The following ARHGEF10 variants were observed in gnomAD, a reference collection of about 807,000 sequenced individuals.
The protein encoded by ARHGEF10 is Rho guanine nucleotide exchange factor 10, also known as Rho guanine nucleotide exchange factor (GEF) 10.
ARHGEF10 carries 140 observed loss-of-function variants against 147.4 expected under a neutral mutation model. That is an observed-to-expected ratio of 0.95 (90% CI 0.83 to 1.09). The LOEUF is 1.09. Among genes scored for constraint, ARHGEF10 ranks in the 50% least tolerant of loss-of-function variants. ARHGEF10 has a pLI of 0.00. For synonymous variants in ARHGEF10, 902 were observed against 695.8 expected (o/e 1.30, Z -4.67); for missense variants, 2,222 against 1,752.7 (o/e 1.27, Z -4.78).
At chr8:1,936,918 G>A (rs1388638516) in intron 26 of ARHGEF10, among the ~76,000 whole-genome samples, 1 of 152,100 alleles carries the variant, frequency 6.6e-6, no homozygotes. Context: ...AGGGCTCTCC[G>A]GCTGGCCCCT....
At chr8:1,956,225 A>G (rs1490068819) in intron 28 of ARHGEF10, among the ~76,000 whole-genome samples, 1 of 152,224 alleles carries the variant, frequency 6.6e-6, no homozygotes, top group Admixed American at 6.5e-5. Flanking sequence ...TTTGAATCAC[A>G]TCACCTGAAA....
intron 2 of ARHGEF10, among the ~76,000 whole-genome samples, chr8:1,850,730 C>G (rs1000208541): frequency 2.0e-5 from 3 of 152,194 alleles, no homozygotes; most frequent in Admixed American, 2.0e-4. Flanking sequence ...TTAATGTCCA[C>G]TCAATACCTG....
chr8:1,898,543 A>C lies in ARHGEF10; in HGVS notation c.1650+18A>C, dbSNP rs757889303. 2.5e-6 allele frequency: 4 copies of C among 1,608,830 alleles called. No individual in the cohort carries two copies. The highest frequency in any genetic ancestry group is 3.4e-6 in the Non-Finnish European group (4 of 1,175,376). On this transcript the variant is annotated intron_variant, in intron 15 of 28. Coordinates refer to ENST00000349830, the MANE Select transcript of ARHGEF10 (RefSeq NM_014629.4). ...TGCTCCAGGTAAGTGCTTCACGGAG[A>C]CCTCCTCAAGCTAGTCCTCTGGCTC...
At chr8:1,861,793 C>T (rs1052282737) in intron 4 of ARHGEF10, among the ~76,000 whole-genome samples, 3 of 152,106 alleles carry the variant, frequency 2.0e-5, no homozygotes, top group African/African-American at 4.8e-5. Flanking sequence ...ACTCTGTGAC[C>T]GCGGAGCATG....
At chr8:1,826,413 GTGTGTGTGTGCGCTT>G (rs1209069726) in intron 1 of ARHGEF10, among the ~76,000 whole-genome samples, 1 of 45,114 alleles carries the variant, frequency 2.2e-5, no homozygotes, top group African/African-American at 1.0e-4. Flanking sequence ...TGTGTGTGCT[GTGTGTGTGTGCGCTT>G]TGTGTGTGTG....
At chr8:1,876,397 G>C (rs1283425809) in intron 7 of ARHGEF10, 174 bp from the exon 8 acceptor site, 1 of 675,372 alleles carries the variant, frequency 1.5e-6, no homozygotes, top group Non-Finnish European at 2.6e-6. Context: ...GGGTGGTGGA[G>C]GCGCTGCACG....
At chr8:1,846,960 C>T (rs532940939) in intron 2 of ARHGEF10, among the ~76,000 whole-genome samples, 2 of 152,288 alleles carry the variant, frequency 1.3e-5, no homozygotes, top group African/African-American at 2.4e-5. Flanking sequence ...GCTCGTTTTT[C>T]GTAAGTGTCC....
intron 15 of ARHGEF10, among the ~76,000 whole-genome samples, chr8:1,899,971 G>C (rs112508427): frequency 2.6e-5 from 4 of 152,372 alleles, no homozygotes; most frequent in African/African-American, 7.2e-5. Context: ...CCTGTGTTTA[G>C]CGATGCGCCA....
At chr8:1,848,278 C>G (rs1490632162) in intron 2 of ARHGEF10, among the ~76,000 whole-genome samples, 1 of 152,228 alleles carries the variant, frequency 6.6e-6, no homozygotes. Flanking sequence ...CACGGCGTTT[C>G]CTACTTGTTG....
chr8:1,833,386 AGC>A (rs1803380085), intron 1 of ARHGEF10, among the ~76,000 whole-genome samples: 2 of 119,248 alleles, frequency 1.7e-5, no homozygotes, highest in South Asian at 5.6e-4. Flanking sequence ...AGGCAGGTGC[AGC>A]GACAGGGGCA....
chr8:1,955,958 C>T (rs1299936790), intron 28 of ARHGEF10, among the ~76,000 whole-genome samples: 1 of 152,220 alleles, frequency 6.6e-6, no homozygotes, highest in Non-Finnish European at 1.5e-5. Flanking sequence ...GGGAAATGGA[C>T]TCTCACCACG....
intron 7 of ARHGEF10, among the ~76,000 whole-genome samples, chr8:1,875,677 A>T (rs1807637844): frequency 6.6e-6 from 1 of 152,218 alleles, no homozygotes; most frequent in South Asian, 2.1e-4. Flanking sequence ...GTCAGTGGAG[A>T]AATATTACAA....
intron 27 of ARHGEF10, among the ~76,000 whole-genome samples, chr8:1,952,122 A>G (rs1024058862): frequency 1.3e-5 from 2 of 152,146 alleles, no homozygotes; most frequent in East Asian, 1.9e-4. Context: ...TTCTCACCCC[A>G]CCATCCACCG....
intron 1 of ARHGEF10, among the ~76,000 whole-genome samples, chr8:1,841,937 GGCCGCGACCGGAAC>G (rs1393253782): frequency 3.0e-4 from 27 of 90,930 alleles, no homozygotes; most frequent in African/African-American, 1.4e-3. Context: ...CGGGAACTGG[GGCCGCGACCGGAAC>G]TGGGGCCGCG....
chr8:1,922,857 C>A, intron 18 of ARHGEF10, 107 bp from the exon 19 acceptor site: 1 of 787,580 alleles, frequency 1.3e-6, no homozygotes, highest in Non-Finnish European at 2.1e-6. Flanking sequence ...AGATTCACCC[C>A]TCAACTTAAA....
At chr8:1,921,714 G>T (rs908630814) in intron 18 of ARHGEF10, among the ~76,000 whole-genome samples, 1 of 149,774 alleles carries the variant, frequency 6.7e-6, no homozygotes, top group Non-Finnish European at 1.5e-5. Flanking sequence ...CAGCCTGGGG[G>T]ACAAGAGCGA....
chr8:1,956,811 G>T lies in ARHGEF10; in HGVS notation c.3583G>T (p.Ala1195Ser). 1.2e-6 allele frequency: 2 copies of T among 1,614,074 alleles called. No individual in the cohort carries two copies. Among genetic ancestry groups the T allele is most frequent in the South Asian group, 2.2e-5 (2 of 91,086 alleles). Residue 1195 changes from alanine (A) to serine (S), a missense_variant, in exon 29 of 29, where the codon GCT (alanine) becomes TCT (serine). By Grantham distance (99) the Ala-to-Ser change is moderately conservative. Coordinates refer to ENST00000349830, the MANE Select transcript of ARHGEF10 (RefSeq NM_014629.4). ...TGTCAAATTCATCGTCCTGGCCACGGCTCTGCACGAGAAAGACAAGGACAA... is the reference window on the plus strand; with the variant it reads ...TGTCAAATTCATCGTCCTGGCCACGTCTCTGCACGAGAAAGACAAGGACAA... ...SPVKFIVLAT[A>S]LHEKDKDKSR...
intron 1 of ARHGEF10, among the ~76,000 whole-genome samples, chr8:1,826,522 G>A (rs531736413): frequency 4.6e-5 from 7 of 152,136 alleles, no homozygotes; most frequent in Non-Finnish European, 7.4e-5. Context: ...AGGTGGGGAA[G>A]CTTTTCCCTG....
At chr8:1,912,930 G>C (rs999239617) in intron 18 of ARHGEF10, among the ~76,000 whole-genome samples, 2 of 152,214 alleles carry the variant, frequency 1.3e-5, no homozygotes, top group Admixed American at 6.5e-5. Context: ...CAGCGTCTTT[G>C]TTGGTGCACT....
Sources: allele counts gnomAD v4.1 joint callset (sites outside exome capture counted in the v4.1 genomes callset), GRCh38; gene constraint gnomAD v4.1.1; transcripts MANE v1.5; gene names NCBI Gene and HGNC (gene_info 2026-07-23, HGNC 2026-07-21).